Variants in CDC14B observed in about 807,000 individuals in gnomAD.
The protein encoded by CDC14B is cell division cycle 14B.
A neutral mutation model predicts 64.2 loss-of-function variants in CDC14B; 22 were observed. The observed-to-expected ratio is 0.34, with a 90% CI of 0.24 to 0.49. CDC14B has a LOEUF of 0.49. Ranked by LOEUF, CDC14B falls within the 20% of genes least tolerant of loss-of-function variation. The probability of loss-of-function intolerance (pLI) is 0.99; values close to 1 mark genes in which losing one functional copy is unlikely to be tolerated. For synonymous variants in CDC14B, 191 were observed against 215.8 expected, an observed-to-expected ratio of 0.89 and a Z score of 1.01; for missense variants, 498 against 629.9, an observed-to-expected ratio of 0.79 and a Z score of 2.24.
chr9:96,580,626 C>A (rs1845089292), intron 1 of CDC14B, among the ~76,000 whole-genome samples: 1 of 152,114 alleles, frequency 6.6e-6, no homozygotes, highest in Non-Finnish European at 1.5e-5. Context: ...TAACCGGTAA[C>A]CCAGCCAATC....
In CDC14B at chr9:96,566,866, C is replaced by G. The variant is rs16911303; in HGVS notation, c.161-1383G>C. ...GGCAGAGGCAAGGACTGCCAGCCGC[C>G]GAGAGGGGAGGCGCCGCGACCACAC... On this transcript the variant is annotated intron_variant, in intron 1 of 13. Coordinates refer to ENST00000375241, the MANE Select transcript of CDC14B (RefSeq NM_033331.4). The G allele has an allele frequency of 9.9e-3, 15,679 of 1,578,548 alleles. 1,310 individuals are homozygous for G. The African/African-American group carries it at 0.18, about 19-fold the overall frequency.
intron 1 of CDC14B, among the ~76,000 whole-genome samples, chr9:96,596,723 T>C (rs550516648): frequency 1.1e-4 from 17 of 151,024 alleles, no homozygotes; most frequent in Non-Finnish European, 2.5e-4. Context: ...TAGCCAAGAG[T>C]AGTGGCATGT....
At position 96,561,251 on chromosome 9, in the gene CDC14B, G is replaced by C. The variant is rs943012981; in HGVS notation, c.420+1442C>G. Reference sequence around the variant, plus strand: ...AGCATAAATAGGAAAACAAAACAAAGACCTTAACCACTGCTGTTAATGATA... The same window carrying C: ...AGCATAAATAGGAAAACAAAACAAACACCTTAACCACTGCTGTTAATGATA... On this transcript the variant is annotated intron_variant, in intron 4 of 13. Coordinates refer to ENST00000375241, the MANE Select transcript of CDC14B (RefSeq NM_033331.4). Among the ~76,000 whole-genome samples, 10 of 152,102 alleles carry C rather than the reference G, an allele frequency of 6.6e-5. 1 individual carries two copies. The highest frequency in any genetic ancestry group is 4.6e-4 in the Admixed American group (7 of 15,258).
At chr9:96,536,114 G>A (rs1839228329) in intron 7 of CDC14B, among the ~76,000 whole-genome samples, 1 of 152,192 alleles carries the variant, frequency 6.6e-6, no homozygotes, top group East Asian at 1.9e-4. Flanking sequence ...GAAAAAATGG[G>A]CATTGTAGAA....
Position 96,619,232 on chromosome 9 carries a change from G to C in CDC14B, c.147C>G (p.Tyr49Ter). 7.4e-7 allele frequency: 1 copy of C among 1,346,292 alleles called. No homozygotes were observed. Among genetic ancestry groups the C allele is most frequent in the Non-Finnish European group, 9.6e-7 (1 of 1,044,282 alleles). 83.4% of individuals were successfully genotyped at this position (1,346,292 alleles called of 1,614,324 possible). ...PRRRDPQDDV[Y>*]LDITDRLCFA... ...TGGCCGGCTCACCGGTGATGTCCAG[G>C]TACACGTCGTCCTGGGGGTCCCGGC... is the stretch of plus-strand genomic sequence containing the variant. Residue 49 changes from tyrosine to a stop codon, truncating the protein, a stop_gained, in exon 1 of 14, where the codon TAC becomes TAG. Transcript: ENST00000375241. LOFTEE classifies it high-confidence loss of function.
intron 12 of CDC14B, among the ~76,000 whole-genome samples, chr9:96,519,286 G>C (rs1282046742): frequency 6.6e-6 from 1 of 152,160 alleles, no homozygotes; most frequent in Non-Finnish European, 1.5e-5. Flanking sequence ...TTTTAGCACA[G>C]ACAATATACT....
chr9:96,616,383 A>G (rs1847629304), intron 1 of CDC14B, among the ~76,000 whole-genome samples: 1 of 152,110 alleles, frequency 6.6e-6, no homozygotes, highest in Admixed American at 6.6e-5. Flanking sequence ...TTGAATGTGC[A>G]CAGAAAATTG....
intron 1 of CDC14B, among the ~76,000 whole-genome samples, chr9:96,567,512 G>C (rs1162573656): frequency 1.3e-5 from 2 of 152,266 alleles, no homozygotes; most frequent in Non-Finnish European, 2.9e-5. Flanking sequence ...AGCTGCCTCA[G>C]AGAAAACGCT....
At chr9:96,498,548 T>C (rs1833345514), downstream of CDC14B, among the ~76,000 whole-genome samples, 2 of 152,222 alleles carry the variant, frequency 1.3e-5, no homozygotes, top group Non-Finnish European at 2.9e-5. Flanking sequence ...GGCAAAATAG[T>C]TTACGTGACC....
intron 5 of CDC14B, among the ~76,000 whole-genome samples, chr9:96,545,114 T>C (rs1840616559): frequency 6.6e-6 from 1 of 152,088 alleles, no homozygotes; most frequent in Non-Finnish European, 1.5e-5. Context: ...TTCAAGTTTA[T>C]GAATCACCAA....
chr9:96,520,811 AC>A (rs1836583911), intron 12 of CDC14B, among the ~76,000 whole-genome samples: 1 of 89,262 alleles, frequency 1.1e-5, no homozygotes, highest in African/African-American at 4.3e-5. Context: ...CTTGGGCCCC[AC>A]CCCCACCCCA....
At chr9:96,552,977 C>T (rs957734046) in intron 4 of CDC14B, among the ~76,000 whole-genome samples, 3 of 152,158 alleles carry the variant, frequency 2.0e-5, no homozygotes, top group Non-Finnish European at 4.4e-5. Context: ...ATCTCCATTA[C>T]TTAACATGAT....
chr9:96,606,546 T>C (rs1283352588), intron 1 of CDC14B, among the ~76,000 whole-genome samples: 2 of 145,650 alleles, frequency 1.4e-5, no homozygotes, highest in African/African-American at 2.6e-5. Flanking sequence ...TGTGTGTGTG[T>C]GTGTGTGTGT....
intron 1 of CDC14B, among the ~76,000 whole-genome samples, chr9:96,607,953 T>C (rs1236248806): frequency 6.6e-6 from 1 of 152,094 alleles, no homozygotes; most frequent in African/African-American, 2.4e-5. Context: ...GAGGGGAAAA[T>C]AGAAAACCTT....
In CDC14B at chr9:96,515,839, C is replaced by T. The variant is rs1835576925; in HGVS notation, c.1344-6050G>A. The T allele has an allele frequency of 6.6e-7, 1 of 1,507,502 alleles. No individual in the cohort carries two copies. Among genetic ancestry groups the T allele is most frequent in the Non-Finnish European group, 8.9e-7 (1 of 1,121,348 alleles). 93.4% of individuals were successfully genotyped at this position (1,507,502 alleles called of 1,614,324 possible). ...AGAACAGATGTTCAAATTGGGAAGC[C>T]AAAATAAATTACGCAATCATCAATC... is the stretch of plus-strand genomic sequence containing the variant. On this transcript the variant is annotated intron_variant, in intron 12 of 13. Coordinates refer to ENST00000375241, the MANE Select transcript of CDC14B (RefSeq NM_033331.4). This position sits in a 1 kb window ranked among gnomAD's most constrained non-coding sequence, Gnocchi z 4.3.
At chr9:96,584,648 CTTTAT>C (rs1357332243) in intron 1 of CDC14B, among the ~76,000 whole-genome samples, 2 of 152,054 alleles carry the variant, frequency 1.3e-5, no homozygotes, top group African/African-American at 2.4e-5. Flanking sequence ...ATAAAACAGA[CTTTAT>C]TTTATTTATT....
intron 1 of CDC14B, among the ~76,000 whole-genome samples, chr9:96,592,387 T>C (rs1354040733): frequency 2.0e-5 from 3 of 152,194 alleles, no homozygotes; most frequent in African/African-American, 4.8e-5. Context: ...CAAAAAGCTG[T>C]TTTTGCTTCT....
chr9:96,610,211 T>G (rs915923034), intron 1 of CDC14B, among the ~76,000 whole-genome samples: 3 of 152,194 alleles, frequency 2.0e-5, no homozygotes, highest in African/African-American at 7.2e-5. Context: ...ATTTATTTAT[T>G]TTTTGAGATG....
At chr9:96,578,841 C>A (rs760258693) in intron 1 of CDC14B, among the ~76,000 whole-genome samples, 1 of 152,150 alleles carries the variant, frequency 6.6e-6, no homozygotes, top group Admixed American at 6.6e-5. Flanking sequence ...TTCTTTGAGA[C>A]GGAGTCTCAC....
Sources: allele counts gnomAD v4.1 joint callset (sites outside exome capture counted in the v4.1 genomes callset), GRCh38; gene constraint gnomAD v4.1.1; non-coding constraint Gnocchi (gnomAD v3.1); transcripts MANE v1.5; gene names NCBI Gene and HGNC (gene_info 2026-07-23, HGNC 2026-07-21).